The following APAF1 variants were observed in gnomAD, a reference collection of about 807,000 sequenced individuals.
APAF1 encodes apoptotic peptidase activating factor 1.
APAF1 carries 91 observed loss-of-function variants against 152.4 expected under a neutral mutation model. That is an observed-to-expected ratio of 0.60 (90% CI 0.50 to 0.71). The LOEUF (loss-of-function observed/expected upper bound fraction) is 0.71, where lower values mean the gene tolerates loss of function less well. Ranked by LOEUF, APAF1 falls within the 30% of genes least tolerant of loss-of-function variation. APAF1 has a pLI of 0.00. For synonymous variants in APAF1, 484 were observed against 494.1 expected (o/e 0.98, Z 0.27); for missense variants, 1,283 against 1,472.0 (o/e 0.87, Z 2.10).
chr12:98,705,467 A>G (rs888331551), intron 18 of APAF1, among the ~76,000 whole-genome samples: 13 of 152,246 alleles, frequency 8.5e-5, no homozygotes, highest in African/African-American at 2.9e-4. Flanking sequence ...AGAAAATTTC[A>G]TATAATTAGT....
chr12:98,723,514 G>T, intron 23 of APAF1, 125 bp from the exon 24 acceptor site: 1 of 1,024,676 alleles, frequency 9.8e-7, no homozygotes. Flanking sequence ...TTAAAGTAAA[G>T]GGGTCAGAAC....
intron 14 of APAF1, among the ~76,000 whole-genome samples, chr12:98,682,466 C>T (rs1238115932): frequency 1.3e-5 from 2 of 152,164 alleles, no homozygotes; most frequent in Non-Finnish European, 2.9e-5. Context: ...AGTGTCGATC[C>T]CGTTTACAGA....
At chr12:98,682,533 C>G (rs1445123824) in intron 14 of APAF1, among the ~76,000 whole-genome samples, 3 of 152,188 alleles carry the variant, frequency 2.0e-5, no homozygotes, top group African/African-American at 7.2e-5. Flanking sequence ...AAACTGGGAA[C>G]AGTAATAGGG....
chr12:98,672,103 T>C (rs1433245280), intron 12 of APAF1, among the ~76,000 whole-genome samples: 1 of 152,212 alleles, frequency 6.6e-6, no homozygotes, highest in African/African-American at 2.4e-5. Flanking sequence ...TTCTCTCATA[T>C]GTAAAATGGA....
intron 4 of APAF1, among the ~76,000 whole-genome samples, chr12:98,653,640 G>A (rs1295118246): frequency 1.9e-5 from 2 of 104,594 alleles, no homozygotes; most frequent in East Asian, 6.5e-4. Flanking sequence ...CTGGGTGACA[G>A]AGTGAGATGC....
chr12:98,707,095 T>A lies in APAF1; in HGVS notation c.2721+485T>A, dbSNP rs185022806. 2.6e-5 allele frequency among the ~76,000 whole-genome samples: 4 copies of A among 151,600 alleles called. No individual in the cohort carries two copies. The East Asian group carries it at 7.7e-4, about 29-fold the overall frequency. On this transcript the variant is annotated intron_variant, in intron 19 of 26. Transcript: ENST00000551964. Reference sequence around the variant, plus strand: ...TTTTCTGCATGCAGCTTCTAAGATATTTTTTTTTCATGTACAATGCAGTCA... The same window carrying A: ...TTTTCTGCATGCAGCTTCTAAGATAATTTTTTTTCATGTACAATGCAGTCA...
In APAF1 at chr12:98,665,584, A is replaced by T; in HGVS notation, c.987A>T (p.Ala329=). 1 of 1,613,544 alleles carries T rather than the reference A, an allele frequency of 6.2e-7. No individual in the cohort carries two copies. The highest frequency in any genetic ancestry group is 8.5e-7 in the Non-Finnish European group (1 of 1,179,818). ...GSPLVVSLIG[A]LLRDFPNRWE... ...CCCTTGTAGTATCTTTAATTGGTGC[A>T]CTTTTACGTGATTTTCCCAATCGCT... Residue 329 remains alanine, a synonymous_variant, in exon 8 of 27, where the codon GCA becomes GCT. Transcript: ENST00000551964.
chr12:98,706,217 T>C (rs2097721252), intron 18 of APAF1, among the ~76,000 whole-genome samples: 3 of 152,232 alleles, frequency 2.0e-5, no homozygotes, highest in Admixed American at 2.0e-4. Flanking sequence ...TTGTTTTTAA[T>C]GGCTGCATGA....
At position 98,665,613 on chromosome 12, in the gene APAF1, A is replaced by G; in HGVS notation, c.1016A>G (p.Glu339Gly). 1 of 1,613,836 alleles carries G rather than the reference A, an allele frequency of 6.2e-7. No individual in the cohort carries two copies. The highest frequency in any genetic ancestry group is 8.5e-7 in the Non-Finnish European group (1 of 1,179,974). ...ALLRDFPNRW[E>G]YYLKQLQNKQ... ...TTACGTGATTTTCCCAATCGCTGGG[A>G]GTACTACCTCAAACAGCTTCAGAAT... Residue 339 changes from glutamate (E) to glycine (G), a missense_variant, in exon 8 of 27, where the codon GAG (glutamate) becomes GGG (glycine). Coordinates refer to ENST00000551964, the MANE Select transcript of APAF1 (RefSeq NM_181861.2).
At chr12:98,692,829 C>T (rs376341920) in intron 16 of APAF1, among the ~76,000 whole-genome samples, 13 of 152,160 alleles carry the variant, frequency 8.5e-5, no homozygotes, top group East Asian at 7.7e-4. Flanking sequence ...TTTGCTGTTA[C>T]GAATAGTGCT....
At chr12:98,649,423 G>A in intron 3 of APAF1, 64 bp from the exon 4 acceptor site, 3 of 1,554,862 alleles carry the variant, frequency 1.9e-6, no homozygotes, top group Non-Finnish European at 1.8e-6. Context: ...TGTTTTTTAT[G>A]GTATTACTTC....
chr12:98,666,388 C>G, intron 9 of APAF1, 31 bp downstream of exon 9: 1 of 1,579,120 alleles, frequency 6.3e-7, no homozygotes, highest in Non-Finnish European at 8.6e-7. Flanking sequence ...TTTTTTTTTT[C>G]CTTTTTCCTT....
At chr12:98,718,028 A>G (rs971722064) in intron 22 of APAF1, among the ~76,000 whole-genome samples, 2 of 152,170 alleles carry the variant, frequency 1.3e-5, no homozygotes, top group Non-Finnish European at 2.9e-5. Flanking sequence ...AACAGGAAGT[A>G]TTAATAGATG....
chr12:98,673,216 C>T (rs552781252), intron 12 of APAF1, among the ~76,000 whole-genome samples: 9 of 151,792 alleles, frequency 5.9e-5, no homozygotes, highest in East Asian at 1.9e-4. Flanking sequence ...CATGGTGGCT[C>T]ATGCCTGGAA....
At chr12:98,676,009 A>G (rs1488869110) in intron 12 of APAF1, among the ~76,000 whole-genome samples, 1 of 152,100 alleles carries the variant, frequency 6.6e-6, no homozygotes. Context: ...AGGTTAAGTA[A>G]TTTGCTCATT....
chr12:98,656,812 G>T (rs531234238), intron 4 of APAF1, among the ~76,000 whole-genome samples: 1 of 152,174 alleles, frequency 6.6e-6, no homozygotes, highest in South Asian at 2.1e-4. Flanking sequence ...ATGGGTGGGC[G>T]TTGTTCTTGC....
chr12:98,729,948 T>G (rs2097757927), intron 26 of APAF1, among the ~76,000 whole-genome samples: 1 of 152,182 alleles, frequency 6.6e-6, no homozygotes, highest in African/African-American at 2.4e-5. Flanking sequence ...AGTTAACAAT[T>G]TATTGTATAT....
In APAF1 at chr12:98,671,722, A is replaced by G. The variant is rs1159615690; in HGVS notation, c.1793+3A>G. On this transcript the variant is annotated splice_donor_region_variant and intron_variant, in intron 12 of 26. Transcript: ENST00000551964. Reference sequence around the variant, plus strand: ...GGAATGCTTTACCTGGAATGGATGTAAGTAGGTTAGGAGAGAAACCAAAGG... The same window carrying G: ...GGAATGCTTTACCTGGAATGGATGTGAGTAGGTTAGGAGAGAAACCAAAGG... 2 of 1,613,870 alleles carry G rather than the reference A, an allele frequency of 1.2e-6. No homozygotes were observed. Among genetic ancestry groups the G allele is most frequent in the Non-Finnish European group, 8.5e-7 (1 of 1,179,908 alleles).
At chr12:98,680,497 C>T (rs1392086118) in intron 14 of APAF1, 95 bp downstream of exon 14, 2 of 1,225,320 alleles carry the variant, frequency 1.6e-6, no homozygotes, top group East Asian at 2.4e-5. Flanking sequence ...TTAAAGGACT[C>T]TCACCTGTTG....
Sources: allele counts gnomAD v4.1 joint callset (sites outside exome capture counted in the v4.1 genomes callset), GRCh38; gene constraint gnomAD v4.1.1; transcripts MANE v1.5; gene names NCBI Gene and HGNC (gene_info 2026-07-23, HGNC 2026-07-21).